Variants in DGLUCY observed in about 807,000 individuals in gnomAD.
DGLUCY encodes D-glutamate cyclase, mitochondrial.
In DGLUCY, 58 loss-of-function variants were observed where a neutral mutation model predicts 58.5. The ratio of observed to expected loss-of-function variants is 0.99; its 90% CI spans 0.80 to 1.23. The LOEUF is 1.23. Ranked by LOEUF, DGLUCY falls within the 50% of genes most tolerant of loss-of-function variation. The probability of loss-of-function intolerance (pLI) is 0.00; values close to 1 mark genes in which losing one functional copy is unlikely to be tolerated. For synonymous variants in DGLUCY, 325 were observed against 314.1 expected (o/e 1.03, Z -0.37); for missense variants, 779 against 784.7 (o/e 0.99, Z 0.09).
chr14:91,154,754 G>C (rs74083978), intron 1 of DGLUCY, among the ~76,000 whole-genome samples: 19,385 of 152,098 alleles, frequency 0.13, 2,589 homozygotes, highest in African/African-American at 0.34. Context: ...GTCCGTCCCC[G>C]ACCTGCAGCC....
chr14:91,071,638 G>A (rs1357492090), intron 1 of DGLUCY, among the ~76,000 whole-genome samples: 1 of 152,222 alleles, frequency 6.6e-6, no homozygotes, highest in Non-Finnish European at 1.5e-5. Context: ...GGGAGGCCAA[G>A]GCGGGTGGAT....
At chr14:91,064,899 T>C (rs1595598990) in intron 1 of DGLUCY, among the ~76,000 whole-genome samples, 1 of 152,312 alleles carries the variant, frequency 6.6e-6, no homozygotes, top group South Asian at 2.1e-4. Context: ...TGTGGGGACA[T>C]ATTTTTCTCC....
At chr14:91,136,161 C>T (rs1272662373) in intron 1 of DGLUCY, among the ~76,000 whole-genome samples, 1 of 151,698 alleles carries the variant, frequency 6.6e-6, no homozygotes, top group Non-Finnish European at 1.5e-5. Flanking sequence ...TCTCGATTTC[C>T]TGACCTCGTG....
At chr14:91,200,933 G>A (rs1332207700) in intron 11 of DGLUCY, among the ~76,000 whole-genome samples, 1 of 149,172 alleles carries the variant, frequency 6.7e-6, no homozygotes, top group East Asian at 2.0e-4. Context: ...GCAGGGGGTG[G>A]ATCTCACAAA....
At chr14:91,142,817 CACACA>C (rs76584529) in intron 1 of DGLUCY, among the ~76,000 whole-genome samples, 97,596 of 128,404 alleles carry the variant, frequency 0.76, 33,708 homozygotes, top group East Asian at 0.93. Flanking sequence ...CACACACACA[CACACA>C]ACACACCATC....
intron 1 of DGLUCY, among the ~76,000 whole-genome samples, chr14:91,086,988 C>T (rs1346689455): frequency 3.3e-5 from 5 of 152,120 alleles, no homozygotes; most frequent in African/African-American, 1.2e-4. Context: ...TAAATTCCCC[C>T]AGGACAAGGA....
At chr14:91,207,334 T>C (rs1303658345) in intron 12 of DGLUCY, among the ~76,000 whole-genome samples, 1 of 149,212 alleles carries the variant, frequency 6.7e-6, no homozygotes, top group Non-Finnish European at 1.5e-5. Flanking sequence ...AGAGAAAAAG[T>C]GCTGGGGGAA....
intron 1 of DGLUCY, among the ~76,000 whole-genome samples, chr14:91,098,374 C>G (rs899024569): frequency 3.9e-5 from 6 of 152,106 alleles, no homozygotes; most frequent in Non-Finnish European, 8.8e-5. Flanking sequence ...AGGAGGATTG[C>G]TTGAGCTTGA....
chr14:91,219,438 A>G (rs1442396650), intron 13 of DGLUCY, among the ~76,000 whole-genome samples: 1 of 152,224 alleles, frequency 6.6e-6, no homozygotes, highest in African/African-American at 2.4e-5. Context: ...GTCACACTAG[A>G]GTTCTGCAGG....
intron 12 of DGLUCY, among the ~76,000 whole-genome samples, chr14:91,214,440 T>C (rs536567489): frequency 6.6e-6 from 1 of 152,242 alleles, no homozygotes; most frequent in East Asian, 1.9e-4. Context: ...TGAGGCTGAT[T>C]TGGGAGTGAT....
At chr14:91,149,502 G>A (rs916450310) in intron 1 of DGLUCY, among the ~76,000 whole-genome samples, 1 of 152,184 alleles carries the variant, frequency 6.6e-6, no homozygotes, top group Non-Finnish European at 1.5e-5. Flanking sequence ...GCCAGAAGTA[G>A]CTAAACATCC....
intron 10 of DGLUCY, 58 bp downstream of exon 10, chr14:91,196,532 C>T (rs1423395658): frequency 1.4e-6 from 2 of 1,417,322 alleles, no homozygotes; most frequent in African/African-American, 2.8e-5. Flanking sequence ...ATATGCTCTT[C>T]ACTTAGCCAA....
At chr14:91,178,971 C>G (rs2049009295) in intron 7 of DGLUCY, among the ~76,000 whole-genome samples, 1 of 152,128 alleles carries the variant, frequency 6.6e-6, no homozygotes, top group African/African-American at 2.4e-5. Flanking sequence ...TTGCAGCGAG[C>G]TGAGATCTCA....
intron 1 of DGLUCY, among the ~76,000 whole-genome samples, chr14:91,097,845 G>A (rs980738868): frequency 6.6e-6 from 1 of 151,990 alleles, no homozygotes; most frequent in African/African-American, 2.4e-5. Context: ...AGCTAATTTT[G>A]CCTCCTCCTC....
chr14:91,075,679 C>A (rs2044007711), intron 1 of DGLUCY, among the ~76,000 whole-genome samples: 1 of 152,148 alleles, frequency 6.6e-6, no homozygotes, highest in Admixed American at 6.5e-5. Flanking sequence ...TCCTCTTGAC[C>A]AAATGCGTCT....
At chr14:91,110,665 A>G (rs1016761466), upstream of DGLUCY, among the ~76,000 whole-genome samples, 5 of 151,588 alleles carry the variant, frequency 3.3e-5, no homozygotes, top group African/African-American at 9.7e-5. Flanking sequence ...TCCTGATCTG[A>G]CCTCAAGCAA....
At chr14:91,194,763 TCTC>T (rs1412194103) in intron 9 of DGLUCY, among the ~76,000 whole-genome samples, 1 of 151,984 alleles carries the variant, frequency 6.6e-6, no homozygotes, top group East Asian at 1.9e-4. Flanking sequence ...ATGATCTCAA[TCTC>T]CTGACCTCGT....
chr14:91,191,325 G>A (rs1220539674), intron 9 of DGLUCY, among the ~76,000 whole-genome samples: 4 of 152,194 alleles, frequency 2.6e-5, no homozygotes, highest in African/African-American at 9.7e-5. Context: ...GTTGTTTATA[G>A]GTACAGGGGT....
rs748100140 is a variant in DGLUCY, at chr14:91,204,740, T to C, written c.1479T>C (p.Gly493=). 9.9e-6 allele frequency: 16 copies of C among 1,613,814 alleles called. No individual in the cohort carries two copies. The highest frequency in any genetic ancestry group is 1.3e-5 in the Non-Finnish European group (15 of 1,179,976). The change falls in exon 12 of 14, where the codon GGT becomes GGC. Residue 493 remains glycine (G), a synonymous_variant. Transcript: ENST00000256324. The stretch of plus-strand genomic sequence containing the variant: ...ATGGAGGCAACGAGCTTGGGATGGG[T>C]AAAGTCAAGGAGGCTGTGAGGAGGC... ...VGDGGNELGM[G]KVKEAVRRHI...
Sources: allele counts gnomAD v4.1 joint callset (sites outside exome capture counted in the v4.1 genomes callset), GRCh38; gene constraint gnomAD v4.1.1; transcripts MANE v1.5; gene names NCBI Gene and HGNC (gene_info 2026-07-23, HGNC 2026-07-21).